The following EMILIN2 variants were observed in gnomAD, a reference collection of about 807,000 sequenced individuals.
EMILIN2 encodes the protein elastin microfibril interfacer 2, also known as EMILIN-2.
EMILIN2 carries 71 observed loss-of-function variants against 87.1 expected under a neutral mutation model. The ratio of observed to expected loss-of-function variants is 0.82; its 90% CI spans 0.67 to 0.99. The LOEUF is 0.99. EMILIN2 is among the 50% of genes least tolerant of loss of function. EMILIN2 has a pLI of 0.00. For synonymous variants in EMILIN2, 581 were observed against 563.4 expected, an observed-to-expected ratio of 1.03 and a Z score of -0.44; for missense variants, 1,407 against 1,371.8, an observed-to-expected ratio of 1.03 and a Z score of -0.40.
chr18:2,854,773 GAC>G (rs2076618871), intron 2 of EMILIN2, among the ~76,000 whole-genome samples: 1 of 152,148 alleles, frequency 6.6e-6, no homozygotes, highest in South Asian at 2.1e-4. Context: ...AGGCGTGGAT[GAC>G]AGAGTCAAAA....
At chr18:2,873,768 T>C (rs1167321079) in intron 2 of EMILIN2, among the ~76,000 whole-genome samples, 1 of 152,128 alleles carries the variant, frequency 6.6e-6, no homozygotes, top group Non-Finnish European at 1.5e-5. Flanking sequence ...CAGATGTCAG[T>C]TGGGTTCCTC....
At chr18:2,887,767 C>T (rs8099296) in intron 3 of EMILIN2, among the ~76,000 whole-genome samples, 18,609 of 152,104 alleles carry the variant, frequency 0.12, 1,303 homozygotes, top group South Asian at 0.3. Context: ...ACAAACATAC[C>T]CTGAATTCAC....
rs2076596125 is a variant in EMILIN2 at position 2,850,416 on chromosome 18, G to GT, written c.257+2491dup. ...CCTGAGGTTCTTTTTTATTATTATT[G>GT]TTTTTTAGAGACAGGGTCTCACTGT... On this transcript the variant is annotated intron_variant, in intron 2 of 7. Transcript: ENST00000254528. 2.0e-5 allele frequency among the ~76,000 whole-genome samples: 3 copies of GT among 150,452 alleles called. No individual in the cohort carries two copies. The South Asian group carries it at 6.4e-4, about 32-fold the overall frequency.
At chr18:2,905,310 GC>G (rs1247875307) in intron 4 of EMILIN2, among the ~76,000 whole-genome samples, 3 of 69,218 alleles carry the variant, frequency 4.3e-5, no homozygotes, top group African/African-American at 1.7e-4. Context: ...CGGGGGGGGG[GC>G]ATGTATTTGA....
intron 4 of EMILIN2, among the ~76,000 whole-genome samples, chr18:2,897,137 G>A (rs780959597): frequency 8.5e-5 from 13 of 152,204 alleles, no homozygotes; most frequent in Non-Finnish European, 1.8e-4. Flanking sequence ...AGCGAGGGTA[G>A]GAATGAGATC....
At chr18:2,909,587 G>A (rs2076931192) in intron 6 of EMILIN2, 104 bp from the exon 7 acceptor site, 1 of 1,437,788 alleles carries the variant, frequency 7.0e-7, no homozygotes, top group Non-Finnish European at 9.4e-7. Context: ...GAAATAAAAT[G>A]GGCCTGGCAC....
intron 2 of EMILIN2, among the ~76,000 whole-genome samples, chr18:2,849,181 C>T (rs538777277): frequency 1.3e-5 from 2 of 152,248 alleles, no homozygotes; most frequent in African/African-American, 2.4e-5. Context: ...GAGACCTCAT[C>T]GTCTATGGCC....
rs115567374 is a variant in EMILIN2 at position 2,848,639 on chromosome 18, G to A, written c.257+708G>A. Among the ~76,000 whole-genome samples the A allele has an allele frequency of 0.014, 2,151 of 149,394 alleles. 61 individuals carry two copies. Among genetic ancestry groups the A allele is most frequent in the African/African-American group, 0.05 (2,037 of 40,558 alleles). ...AGCAATGCAATAAAGTACAAATGCC[G>A]TTAAATACATGACACTCATTCAATT... On this transcript the variant is annotated intron_variant, in intron 2 of 7. Transcript: ENST00000254528. This position sits in a 1 kb window ranked among gnomAD's most constrained non-coding sequence, Gnocchi z 4.1.
At chr18:2,856,641 G>A (rs1477859954) in intron 2 of EMILIN2, among the ~76,000 whole-genome samples, 1 of 152,138 alleles carries the variant, frequency 6.6e-6, no homozygotes. Flanking sequence ...CAAAAGCGGG[G>A]AAACCGTACC....
Position 2,892,190 on chromosome 18 carries a change from G to A in EMILIN2, c.2063G>A (p.Cys688Tyr), listed in dbSNP as rs115870160. Residue 688 changes from cysteine to tyrosine, a missense_variant, in exon 4 of 8, where the codon TGT becomes TAT. Cys to Tyr is a radical substitution (Grantham distance 194). Transcript: ENST00000254528. ...QSQVISELDA[C>Y]KECTQGVQRE... ...CAGGTCATCTCGGAGCTGGATGCTT[G>A]TAAGGAATGCACGCAGGGGGTCCAG... The A allele has an allele frequency of 8.7e-6, 14 of 1,607,316 alleles. No individual in the cohort carries two copies. Among genetic ancestry groups the A allele is most frequent in the South Asian group, 1.1e-5 (1 of 90,278 alleles).
chr18:2,864,852 A>G (rs2076678590), intron 2 of EMILIN2, among the ~76,000 whole-genome samples: 1 of 152,142 alleles, frequency 6.6e-6, no homozygotes, highest in African/African-American at 2.4e-5. Context: ...TTTCAGGTAC[A>G]CCAATCAGAC....
intron 3 of EMILIN2, among the ~76,000 whole-genome samples, chr18:2,889,155 T>TTTTTA (rs2076819780): frequency 8.0e-6 from 1 of 125,082 alleles, no homozygotes; most frequent in Non-Finnish European, 1.7e-5. Flanking sequence ...TTTTTTTTTT[T>TTTTTA]GAGACAGGGT....
At chr18:2,856,825 A>G (rs1320665666) in intron 2 of EMILIN2, among the ~76,000 whole-genome samples, 1 of 152,220 alleles carries the variant, frequency 6.6e-6, no homozygotes, top group African/African-American at 2.4e-5. Flanking sequence ...ATTTCTCCTT[A>G]CAAAGAACCA....
chr18:2,884,786 C>T (rs1299724135), intron 2 of EMILIN2, among the ~76,000 whole-genome samples, 178 bp from the exon 3 acceptor site: 1 of 152,180 alleles, frequency 6.6e-6, no homozygotes, highest in Non-Finnish European at 1.5e-5. Flanking sequence ...TGAGGCTGAT[C>T]TGAGTTAGGC....
intron 7 of EMILIN2, among the ~76,000 whole-genome samples, chr18:2,910,761 A>G (rs1236946989): frequency 6.6e-6 from 1 of 152,194 alleles, no homozygotes; most frequent in Non-Finnish European, 1.5e-5. Flanking sequence ...TGCCCTGTCT[A>G]GTCACTGTCT....
chr18:2,863,844 T>C (rs2076673198), intron 2 of EMILIN2, among the ~76,000 whole-genome samples: 1 of 152,204 alleles, frequency 6.6e-6, no homozygotes, highest in African/African-American at 2.4e-5. Flanking sequence ...ATTATTATTG[T>C]GTGGGAGTCT....
intron 2 of EMILIN2, among the ~76,000 whole-genome samples, chr18:2,878,137 T>C (rs936349244): frequency 1.1e-3 from 2 of 1,830 alleles, no homozygotes; most frequent in Non-Finnish European, 0.03. Flanking sequence ...GATGATTACA[T>C]AACAACGTTA....
At chr18:2,889,621 T>C (rs919139485) in intron 3 of EMILIN2, among the ~76,000 whole-genome samples, 5 of 151,996 alleles carry the variant, frequency 3.3e-5, no homozygotes, top group Non-Finnish European at 5.9e-5. Flanking sequence ...TTTTGGATTT[T>C]TTCCTTGGTG....
intron 2 of EMILIN2, among the ~76,000 whole-genome samples, chr18:2,861,840 T>C (rs994089020): frequency 2.4e-4 from 36 of 152,326 alleles, no homozygotes; most frequent in Middle Eastern, 3.4e-3. Flanking sequence ...GCCATTTTCA[T>C]GATATTGATT....
Sources: gnomAD v4.1 joint callset for allele counts (sites outside exome capture counted in the v4.1 genomes callset) on GRCh38, gnomAD v4.1.1 for gene constraint, Gnocchi (gnomAD v3.1) non-coding constraint, MANE v1.5 for transcripts, NCBI Gene and HGNC (gene_info 2026-07-23, HGNC 2026-07-21) for gene names.